LIPA: variants seen among roughly 807,000 people sequenced by gnomAD.
LIPA encodes lysosomal acid lipase/cholesteryl ester hydrolase.
A neutral mutation model predicts 40.6 loss-of-function variants in LIPA; 26 were observed. That is an observed-to-expected ratio of 0.64 (90% confidence interval 0.47 to 0.89). The LOEUF (loss-of-function observed/expected upper bound fraction) is 0.89, where lower values mean the gene tolerates loss of function less well. Among genes scored for constraint, LIPA ranks in the 40% least tolerant of loss-of-function variants. The pLI, the probability that LIPA is intolerant of heterozygous loss-of-function variation, is 0.00. For missense variants in LIPA, 455 were observed against 479.6 expected (o/e 0.95, Z 0.48); for synonymous variants, 188 against 168.4 (o/e 1.12, Z -0.90).
At chr10:89,412,196 T>C (rs1841474350) in intron 2 of LIPA, among the ~76,000 whole-genome samples, 1 of 152,060 alleles carries the variant, frequency 6.6e-6, no homozygotes, top group Non-Finnish European at 1.5e-5. Context: ...TGGGGTGTCC[T>C]GTTTAGAGGG....
chr10:89,380,629 C>T (rs1326160354), intron 2 of LIPA, among the ~76,000 whole-genome samples: 7 of 152,154 alleles, frequency 4.6e-5, no homozygotes, highest in East Asian at 1.9e-4. Context: ...GACATGGTTT[C>T]GCTATGTTGC....
At chr10:89,383,322 A>G (rs747302791) in intron 2 of LIPA, 1 of 1,608,806 alleles carries the variant, frequency 6.2e-7, no homozygotes, top group Non-Finnish European at 8.5e-7. Flanking sequence ...TTTACAGTGA[A>G]GAATCTGATG....
At chr10:89,383,638 G>C (rs1163348436) in intron 2 of LIPA, 5 of 1,614,194 alleles carry the variant, frequency 3.1e-6, no homozygotes, top group East Asian at 2.2e-5. Flanking sequence ...TTACCACATG[G>C]GCAGATTGGC....
intron 1 of LIPA, chr10:89,340,163 AGTG>A (rs1334314312): frequency 6.5e-7 from 1 of 1,538,912 alleles, no homozygotes; most frequent in Non-Finnish European, 8.7e-7. Context: ...AGAAGCCTGC[AGTG>A]GTGGTTGTGA....
At chr10:89,217,342 G>A (rs372087978) in intron 8 of LIPA, among the ~76,000 whole-genome samples, 26 of 152,188 alleles carry the variant, frequency 1.7e-4, no homozygotes, top group African/African-American at 5.8e-4. Flanking sequence ...TGTTTTTGCC[G>A]TTGCAAATGA....
chr10:89,352,668 C>T (rs751174947), intron 2 of LIPA, among the ~76,000 whole-genome samples: 22 of 151,156 alleles, frequency 1.5e-4, no homozygotes, highest in Admixed American at 2.7e-4. Flanking sequence ...TTAATAGACA[C>T]ATGGAAGGAA....
At chr10:89,387,941 C>G (rs564732084) in intron 2 of LIPA, among the ~76,000 whole-genome samples, 2 of 152,068 alleles carry the variant, frequency 1.3e-5, no homozygotes, top group African/African-American at 4.8e-5. Context: ...GGGCAAATAG[C>G]AGTATCTAAA....
At chr10:89,270,614 A>G (rs1187287424) in intron 1 of LIPA, among the ~76,000 whole-genome samples, 3 of 152,228 alleles carry the variant, frequency 2.0e-5, no homozygotes, top group Non-Finnish European at 4.4e-5. Flanking sequence ...GGAGGTCAAC[A>G]TATACCTCAT....
chr10:89,302,128 G>C (rs1012871948), intron 1 of LIPA: 3 of 1,613,914 alleles, frequency 1.9e-6, no homozygotes, highest in Non-Finnish European at 2.5e-6. Flanking sequence ...GCAACCATGA[G>C]GTAAATATTT....
chr10:89,289,896 C>T (rs970057750), intron 1 of LIPA, among the ~76,000 whole-genome samples: 3 of 152,046 alleles, frequency 2.0e-5, no homozygotes, highest in African/African-American at 7.3e-5. Context: ...GTCACTCTCT[C>T]CTAGCCATTT....
intron 1 of LIPA, among the ~76,000 whole-genome samples, chr10:89,273,766 C>G (rs1366121198): frequency 6.6e-6 from 1 of 152,062 alleles, no homozygotes; most frequent in African/African-American, 2.4e-5. Flanking sequence ...GAAATAAAAC[C>G]AGGTATTTTA....
intron 2 of LIPA, among the ~76,000 whole-genome samples, chr10:89,377,210 ACT>A (rs1450691492): frequency 1.3e-5 from 2 of 152,174 alleles, no homozygotes; most frequent in African/African-American, 4.8e-5. Flanking sequence ...TGTTTGATTG[ACT>A]CTCTGATGGT....
intron 2 of LIPA, among the ~76,000 whole-genome samples, chr10:89,401,080 T>C (rs1171956209): frequency 6.6e-6 from 1 of 152,112 alleles, no homozygotes; most frequent in Non-Finnish European, 1.5e-5. Flanking sequence ...TTTTTGTATA[T>C]TGAACTATCC....
chr10:89,409,070 C>T (rs751169539), intron 2 of LIPA, among the ~76,000 whole-genome samples: 60 of 152,286 alleles, frequency 3.9e-4, no homozygotes, highest in Middle Eastern at 3.4e-3. Context: ...TGAGCGGCTA[C>T]GGGAGGCCTT....
intron 3 of LIPA, among the ~76,000 whole-genome samples, chr10:89,235,780 T>C (rs1423814990): frequency 6.6e-6 from 1 of 152,364 alleles, no homozygotes; most frequent in South Asian, 2.1e-4. Context: ...CAGTTCTTAC[T>C]GGCTACAAAA....
At chr10:89,403,174 T>G in intron 2 of LIPA, 1 of 1,613,502 alleles carries the variant, frequency 6.2e-7, no homozygotes, top group South Asian at 1.1e-5. Context: ...GCACAAATGA[T>G]CCAAATCAAG....
intron 1 of LIPA, chr10:89,327,962 A>G: frequency 9.2e-7 from 1 of 1,091,850 alleles, no homozygotes; most frequent in Non-Finnish European, 1.4e-6. Flanking sequence ...CTACTCTCCC[A>G]CCCCTTTATA....
chr10:89,253,629 A>G (rs1450212830), upstream of LIPA, among the ~76,000 whole-genome samples: 2 of 152,128 alleles, frequency 1.3e-5, no homozygotes, highest in Non-Finnish European at 2.9e-5. Flanking sequence ...AAAACCAATC[A>G]TGCCTTCCCA....
chr10:89,246,117 T>C (rs1843021820), intron 2 of LIPA, among the ~76,000 whole-genome samples: 1 of 152,248 alleles, frequency 6.6e-6, no homozygotes, highest in Non-Finnish European at 1.5e-5. Context: ...TAAATGCTCA[T>C]TTCTTTCTTT....
Sources: allele counts gnomAD v4.1 joint callset (sites outside exome capture counted in the v4.1 genomes callset), GRCh38; gene constraint gnomAD v4.1.1; transcripts MANE v1.5; gene names NCBI Gene and HGNC (gene_info 2026-07-23, HGNC 2026-07-21).